The following MARCHF10 variants were observed in gnomAD, a reference collection of about 807,000 sequenced individuals.
MARCHF10 encodes the protein membrane associated ring-CH-type finger 10.
In MARCHF10, 64 loss-of-function variants were observed where a neutral mutation model predicts 76.2. The ratio of observed to expected loss-of-function variants is 0.84; its 90% CI spans 0.69 to 1.03. The LOEUF (loss-of-function observed/expected upper bound fraction) is 1.03, where lower values mean the gene tolerates loss of function less well. MARCHF10 is among the 50% of genes least tolerant of loss of function. The probability of loss-of-function intolerance (pLI) is 0.00; values close to 1 mark genes in which losing one functional copy is unlikely to be tolerated. For missense variants in MARCHF10, 875 were observed against 958.0 expected, an observed-to-expected ratio of 0.91 and a Z score of 1.14; for synonymous variants, 340 against 357.5, an observed-to-expected ratio of 0.95 and a Z score of 0.55.
Position 62,738,048 on chromosome 17 carries a change from T to C in MARCHF10, c.536-716A>G, listed in dbSNP as rs962548721. The C allele has an allele frequency of 2.7e-5, 3 of 109,384 alleles. No individual in the cohort carries two copies. The highest frequency in any genetic ancestry group is 4.1e-3 in the Middle Eastern group (1 of 244). 6.8% of individuals were successfully genotyped at this position (109,384 alleles called of 1,614,324 possible). On this transcript the variant is annotated intron_variant, in intron 5 of 10. Transcript: ENST00000311269. The surrounding 1 kb of genome is among the most constrained non-coding windows in gnomAD (Gnocchi z 4.0). ...CAGAAGCATGCTAACTGTCTCTCTC[T>C]GTCTCTCTCTGTCACACACACACAC...
intron 4 of MARCHF10, chr17:62,750,542 CAAAAGA>C (rs2091864362): frequency 6.6e-6 from 1 of 152,546 alleles, no homozygotes; most frequent in Non-Finnish European, 1.5e-5. Context: ...GCCACCTGCA[CAAAAGA>C]AAAAGAGCAG....
rs779527663 is a variant in MARCHF10 at position 62,801,746 on chromosome 17, C to A, written c.-11G>T. ...TGCGTCATGCAACATGATTCCTAAT[C>A]CCTGACCTGCACAGAAAAGATAAAC... On this transcript the variant is annotated 5_prime_UTR_variant, in exon 2 of 11. Transcript: ENST00000311269. The A allele has an allele frequency of 1.9e-6, 3 of 1,610,750 alleles. No homozygotes were observed. The highest frequency in any genetic ancestry group is 2.5e-6 in the Non-Finnish European group (3 of 1,176,914).
In MARCHF10 at chr17:62,736,232, C is replaced by A. The variant is rs1284169943; in HGVS notation, c.1636G>T (p.Asp546Tyr). The change falls in exon 6 of 11, where the codon GAT becomes TAT. Residue 546 changes from aspartate (D) to tyrosine (Y), a missense_variant. Coordinates refer to ENST00000311269, the MANE Select transcript of MARCHF10 (RefSeq NM_152598.4). ...TGAGGCTGGCTTGTTAAAGTAGTAT[C>A]TTCTGCTTCCCTGACAGCAAATTCG... ...AHEFAVREAEDTTLTSQPQGA... is the reference protein window; with the variant it reads ...AHEFAVREAEYTTLTSQPQGA... 2 of 1,614,198 alleles carry A rather than the reference C, an allele frequency of 1.2e-6. No homozygotes were observed. Among genetic ancestry groups the A allele is most frequent in the Non-Finnish European group, 8.5e-7 (1 of 1,180,050 alleles).
chr17:62,800,267 G>A (rs368741069), intron 2 of MARCHF10, among the ~76,000 whole-genome samples: 3 of 152,304 alleles, frequency 2.0e-5, no homozygotes, highest in East Asian at 3.9e-4. Flanking sequence ...ACAGTTGTGT[G>A]ATTTTCTTCA....
intron 4 of MARCHF10, among the ~76,000 whole-genome samples, chr17:62,756,886 A>C (rs1393810064): frequency 6.6e-6 from 1 of 152,224 alleles, no homozygotes; most frequent in Admixed American, 6.5e-5. Context: ...ACTCATCCAG[A>C]AGCAGTTTCA....
chr17:62,752,073 G>A (rs2091914146), intron 4 of MARCHF10, among the ~76,000 whole-genome samples: 1 of 151,710 alleles, frequency 6.6e-6, no homozygotes, highest in Non-Finnish European at 1.5e-5. Context: ...TCGTGGAGGG[G>A]TCTCAGTCCT....
chr17:62,784,594 G>A lies in MARCHF10; in HGVS notation c.210+3886C>T, dbSNP rs373304908. Among the ~76,000 whole-genome samples, 10 of 152,316 alleles carry A rather than the reference G, an allele frequency of 6.6e-5. No individual in the cohort carries two copies. The East Asian group carries it at 1.2e-3, about 18-fold the overall frequency. On this transcript the variant is annotated intron_variant, in intron 3 of 10. Coordinates refer to ENST00000311269, the MANE Select transcript of MARCHF10 (RefSeq NM_152598.4). ...AGAGGAAGTCAAACTGTCCCTGTTTGCAGATGACATGATTGTATATTTAGA... is the reference window on the plus strand; with the variant it reads ...AGAGGAAGTCAAACTGTCCCTGTTTACAGATGACATGATTGTATATTTAGA...
chr17:62,740,713 C>T, intron 5 of MARCHF10, among the ~76,000 whole-genome samples: 1 of 151,600 alleles, frequency 6.6e-6, no homozygotes, highest in Non-Finnish European at 1.5e-5. Context: ...GGCTGGAGTA[C>T]AGTTGTAGGC....
intron 2 of MARCHF10, among the ~76,000 whole-genome samples, chr17:62,799,916 G>A (rs534041132): frequency 6.6e-6 from 1 of 152,090 alleles, no homozygotes; most frequent in Non-Finnish European, 1.5e-5. Context: ...CTTTCCTTCC[G>A]ATTGGGAAGC....
At chr17:62,737,607 C>T in intron 5 of MARCHF10, 1 of 443,204 alleles carries the variant, frequency 2.3e-6, no homozygotes. Flanking sequence ...AAGACTGGCC[C>T]AGCCCCAGCC....
chr17:62,778,391 A>C (rs779313182), intron 3 of MARCHF10, among the ~76,000 whole-genome samples: 1 of 152,202 alleles, frequency 6.6e-6, no homozygotes, highest in South Asian at 2.1e-4. Flanking sequence ...AGAGGTATCT[A>C]TCTCTCTTAT....
chr17:62,747,977 C>T (rs1445724253), intron 4 of MARCHF10, among the ~76,000 whole-genome samples: 1 of 152,246 alleles, frequency 6.6e-6, no homozygotes, highest in Admixed American at 6.5e-5. Flanking sequence ...CTGCTGACTT[C>T]TTCCCTGTGA....
chr17:62,705,274 T>C lies in MARCHF10; in HGVS notation c.2371+265A>G. 2.1e-6 allele frequency: 3 copies of C among 1,414,244 alleles called. No homozygotes were observed. The South Asian group carries it at 4.6e-5, about 22-fold the overall frequency. The allele number at this position is 1,414,244 out of a possible 1,614,324, so 87.6% of individuals were successfully genotyped here. A position where few individuals can be genotyped will look rare whatever the true frequency, so the allele number is the denominator to read the frequency against. ...AGGAAAAGGAACAAATCTTATCTCA[T>C]GCCGGAAGATAACCTCTTCCCTTTG... is the stretch of plus-strand genomic sequence containing the variant. On this transcript the variant is annotated intron_variant, in intron 10 of 10. Coordinates refer to ENST00000311269, the MANE Select transcript of MARCHF10 (RefSeq NM_152598.4).
chr17:62,800,535 G>A (rs2093054555), intron 2 of MARCHF10, among the ~76,000 whole-genome samples: 1 of 152,174 alleles, frequency 6.6e-6, no homozygotes, highest in South Asian at 2.1e-4. Flanking sequence ...TATTATACAG[G>A]TGAAATCAGG....
intron 10 of MARCHF10, among the ~76,000 whole-genome samples, chr17:62,704,559 T>C (rs1168441723): frequency 1.3e-5 from 2 of 152,180 alleles, no homozygotes; most frequent in South Asian, 2.1e-4. Context: ...CCGAGCAGCT[T>C]TGAGCTGGTT....
At chr17:62,724,730 A>C (rs1382402430) in intron 7 of MARCHF10, among the ~76,000 whole-genome samples, 1 of 152,204 alleles carries the variant, frequency 6.6e-6, no homozygotes, top group Non-Finnish European at 1.5e-5. Context: ...AAAACAAACC[A>C]AAACAAAAAC....
rs562768070 is a variant in MARCHF10, at chr17:62,757,709, G to A, written c.382+2126C>T. ...CCCTGCTGACGTCTGCATGGGTCTT[G>A]GACGTGGTCTAGGGCCAGAACGCAG... On this transcript the variant is annotated intron_variant, in intron 4 of 10. Coordinates refer to ENST00000311269, the MANE Select transcript of MARCHF10 (RefSeq NM_152598.4). 1.3e-4 allele frequency among the ~76,000 whole-genome samples: 20 copies of A among 152,350 alleles called. No homozygotes were observed. In the South Asian group the frequency reaches 2.7e-3, roughly 21 times the overall value.
At chr17:62,778,575 A>G (rs2092595887) in intron 3 of MARCHF10, among the ~76,000 whole-genome samples, 1 of 151,854 alleles carries the variant, frequency 6.6e-6, no homozygotes, top group African/African-American at 2.4e-5. Flanking sequence ...TACTAAAAAC[A>G]CAAAATTAGC....
intron 6 of MARCHF10, among the ~76,000 whole-genome samples, chr17:62,732,244 A>C (rs185675737): frequency 6.6e-5 from 10 of 152,358 alleles, no homozygotes; most frequent in Non-Finnish European, 1.0e-4. Context: ...AATTCCAATA[A>C]AAATCCCAAC....
Sources: allele counts gnomAD v4.1 joint callset (sites outside exome capture counted in the v4.1 genomes callset), GRCh38; gene constraint gnomAD v4.1.1; non-coding constraint Gnocchi (gnomAD v3.1); transcripts MANE v1.5; gene names NCBI Gene and HGNC (gene_info 2026-07-23, HGNC 2026-07-21).